The following ANTXR1 variants were observed in gnomAD, a reference collection of about 807,000 sequenced individuals.
ANTXR1 encodes the protein anthrax toxin receptor 1.
Under a neutral mutation model 78.1 loss-of-function variants are expected in ANTXR1, and 19 were observed. The ratio of observed to expected loss-of-function variants is 0.24; its 90% CI spans 0.17 to 0.36. The LOEUF is 0.36. Among genes scored for constraint, ANTXR1 ranks in the 10% least tolerant of loss-of-function variants. The probability of loss-of-function intolerance (pLI) is 1.00; values close to 1 mark genes in which losing one functional copy is unlikely to be tolerated. For missense variants in ANTXR1, 518 were observed against 718.6 expected, an observed-to-expected ratio of 0.72 and a Z score of 3.19; for synonymous variants, 273 against 260.5, an observed-to-expected ratio of 1.05 and a Z score of -0.46.
intron 1 of ANTXR1, among the ~76,000 whole-genome samples, chr2:69,018,799 A>G (rs1014727795): frequency 6.6e-6 from 1 of 152,226 alleles, no homozygotes; most frequent in African/African-American, 2.4e-5. Flanking sequence ...TGAGAAGCAC[A>G]TGGCAATACA....
In ANTXR1 at chr2:69,049,374, G is replaced by A. The variant is rs537963719; in HGVS notation, c.296+4561G>A. Among the ~76,000 whole-genome samples the A allele has an allele frequency of 1.4e-4, 21 of 152,068 alleles. No individual in the cohort carries two copies. In the East Asian group the frequency reaches 2.3e-3, roughly 17 times the overall value. ...CACCCAGGTTGGAGTGCAGTGGTGC[G>A]AACTCAGCTCACTGCAACCTCCATC... is the stretch of plus-strand genomic sequence containing the variant. On this transcript the variant is annotated intron_variant, in intron 3 of 17. Coordinates refer to ENST00000303714, the MANE Select transcript of ANTXR1 (RefSeq NM_032208.3).
At chr2:69,055,067 G>T (rs1670030870) in intron 3 of ANTXR1, among the ~76,000 whole-genome samples, 1 of 152,258 alleles carries the variant, frequency 6.6e-6, no homozygotes, top group South Asian at 2.1e-4. Flanking sequence ...AACAATGCAG[G>T]CACATAGTAA....
intron 3 of ANTXR1, among the ~76,000 whole-genome samples, chr2:69,052,798 A>G (rs940427523): frequency 3.9e-5 from 6 of 152,028 alleles, no homozygotes; most frequent in African/African-American, 1.4e-4. Flanking sequence ...TTTTTTTGAC[A>G]TCTGAGAGAA....
intron 10 of ANTXR1, among the ~76,000 whole-genome samples, chr2:69,120,005 G>T (rs775821514): frequency 6.6e-6 from 1 of 152,172 alleles, no homozygotes; most frequent in African/African-American, 2.4e-5. Flanking sequence ...TTAAGATGGG[G>T]TTATGTCCTG....
At chr2:69,124,495 G>T in intron 11 of ANTXR1, 70 bp from the exon 12 acceptor site, 1 of 1,358,196 alleles carries the variant, frequency 7.4e-7, no homozygotes, top group East Asian at 2.3e-5. Context: ...GGAGTCCTGT[G>T]TGTCTGGCTC....
chr2:69,176,315 C>T (rs967446216), intron 14 of ANTXR1, among the ~76,000 whole-genome samples: 15 of 152,110 alleles, frequency 9.9e-5, no homozygotes, highest in African/African-American at 3.6e-4. Context: ...AAATGCGGCT[C>T]AGAATGGTGA....
At chr2:69,155,285 G>A (rs1212805457) in intron 13 of ANTXR1, among the ~76,000 whole-genome samples, 1 of 152,196 alleles carries the variant, frequency 6.6e-6, no homozygotes, top group African/African-American at 2.4e-5. Context: ...AGTATCGCCA[G>A]GTGGACCTCT....
At chr2:69,143,020 A>G (rs1321828886) in intron 12 of ANTXR1, among the ~76,000 whole-genome samples, 7 of 152,216 alleles carry the variant, frequency 4.6e-5, no homozygotes, top group Non-Finnish European at 1.0e-4. Context: ...CTTCCATAAA[A>G]TTCTCAAATG....
At chr2:69,139,994 A>G (rs1190477380) in intron 12 of ANTXR1, among the ~76,000 whole-genome samples, 1 of 152,204 alleles carries the variant, frequency 6.6e-6, no homozygotes, top group Non-Finnish European at 1.5e-5. Context: ...AACAAGCTAC[A>G]TCTTGTCTGG....
At chr2:69,194,537 G>A (rs758218886) in intron 17 of ANTXR1, among the ~76,000 whole-genome samples, 34 of 152,130 alleles carry the variant, frequency 2.2e-4, no homozygotes, top group Non-Finnish European at 4.3e-4. Flanking sequence ...TAAAGCATTT[G>A]GCCCACTGTT....
intron 10 of ANTXR1, among the ~76,000 whole-genome samples, chr2:69,111,378 C>T (rs1339875724): frequency 6.6e-6 from 1 of 152,160 alleles, no homozygotes; most frequent in African/African-American, 2.4e-5. Context: ...ATTTTATGCA[C>T]TGTAAATTAA....
intron 17 of ANTXR1, among the ~76,000 whole-genome samples, chr2:69,205,253 G>A (rs1283852034): frequency 6.6e-6 from 1 of 152,132 alleles, no homozygotes. Flanking sequence ...CCAGTGCAGG[G>A]AGAGAAGGGC....
intron 3 of ANTXR1, among the ~76,000 whole-genome samples, chr2:69,069,224 A>T (rs988726556): frequency 3.9e-5 from 6 of 152,142 alleles, no homozygotes; most frequent in Non-Finnish European, 8.8e-5. Flanking sequence ...CCTCCAAGCA[A>T]TGCCAGGATA....
At chr2:69,017,421 A>G (rs1671056396) in intron 1 of ANTXR1, among the ~76,000 whole-genome samples, 1 of 152,122 alleles carries the variant, frequency 6.6e-6, no homozygotes, top group Non-Finnish European at 1.5e-5. Context: ...TCTTCTCCCA[A>G]TCCCTGCAAC....
intron 16 of ANTXR1, among the ~76,000 whole-genome samples, chr2:69,185,855 T>G (rs1261679687): frequency 6.6e-6 from 1 of 152,148 alleles, no homozygotes; most frequent in African/African-American, 2.4e-5. Flanking sequence ...CTTGAAGAGC[T>G]CCTCGGCAGG....
chr2:69,070,980 C>T (rs961024502), intron 4 of ANTXR1, among the ~76,000 whole-genome samples: 1 of 152,162 alleles, frequency 6.6e-6, no homozygotes, highest in African/African-American at 2.4e-5. Context: ...GTCACAAATT[C>T]ACGCCACACA....
intron 17 of ANTXR1, among the ~76,000 whole-genome samples, chr2:69,201,492 T>C (rs1674771667): frequency 6.6e-6 from 1 of 152,098 alleles, no homozygotes; most frequent in Non-Finnish European, 1.5e-5. Flanking sequence ...CTGAGGACAG[T>C]AGAGACTTAC....
At chr2:69,189,584 C>G (rs1037269711) in intron 16 of ANTXR1, among the ~76,000 whole-genome samples, 1 of 152,152 alleles carries the variant, frequency 6.6e-6, no homozygotes, top group Non-Finnish European at 1.5e-5. Flanking sequence ...AAACTATTCC[C>G]AGAATGAGTG....
At chr2:69,219,910 C>T (rs1448964326) in intron 17 of ANTXR1, among the ~76,000 whole-genome samples, 1 of 150,644 alleles carries the variant, frequency 6.6e-6, no homozygotes, top group Non-Finnish European at 1.5e-5. Context: ...CTCCATCCTT[C>T]CTGATTTTTT....
Sources: gnomAD v4.1 joint callset for allele counts (sites outside exome capture counted in the v4.1 genomes callset) on GRCh38, gnomAD v4.1.1 for gene constraint, MANE v1.5 for transcripts, NCBI Gene and HGNC (gene_info 2026-07-23, HGNC 2026-07-21) for gene names.